TENT4B: variants seen among roughly 807,000 people sequenced by gnomAD.
The protein encoded by TENT4B is PAP associated domain containing 5.
Under a neutral mutation model 75.0 loss-of-function variants are expected in TENT4B, and 10 were observed. The observed-to-expected ratio is 0.13, with a 90% CI of 0.08 to 0.23. The LOEUF (loss-of-function observed/expected upper bound fraction) is 0.23, where lower values mean the gene tolerates loss of function less well. Among genes scored for constraint, TENT4B ranks in the 10% least tolerant of loss-of-function variants. The pLI, the probability that TENT4B is intolerant of heterozygous loss-of-function variation, is 1.00. For missense variants in TENT4B, 579 were observed against 893.8 expected (o/e 0.65, Z 4.49); for synonymous variants, 350 against 357.7 (o/e 0.98, Z 0.24).
Position 50,235,134 on chromosome 16 carries a change from T to G in TENT4B, c.*5806T>G. 8 of 644,068 alleles carry G rather than the reference T, an allele frequency of 1.2e-5. No homozygotes were observed. Among genetic ancestry groups the G allele is most frequent in the Non-Finnish European group, 1.5e-5 (8 of 517,996 alleles). The allele number at this position is 644,068 out of a possible 1,614,324, so 39.9% of individuals were successfully genotyped here. ...CCAGTGATGAAAACTATGAATGAATTGCACACCTGGAAGATTTTTTAAGCT... is the reference window on the plus strand; with the variant it reads ...CCAGTGATGAAAACTATGAATGAATGGCACACCTGGAAGATTTTTTAAGCT... On this transcript the variant is annotated 3_prime_UTR_variant, in exon 12 of 12. Coordinates refer to ENST00000561678, the MANE Select transcript of TENT4B (RefSeq NM_001365324.3).
At chr16:50,195,357 AG>A (rs1273584421) in intron 1 of TENT4B, among the ~76,000 whole-genome samples, 4 of 152,220 alleles carry the variant, frequency 2.6e-5, no homozygotes, top group African/African-American at 4.8e-5. Flanking sequence ...TAGCATTGAA[AG>A]TACGAACTTG....
At chr16:50,213,584 A>G (rs532866033) in intron 2 of TENT4B, among the ~76,000 whole-genome samples, 90 of 152,280 alleles carry the variant, frequency 5.9e-4, no homozygotes, top group Non-Finnish European at 1.1e-3. Context: ...AAAATGAAGG[A>G]TTTGTGATTG....
Position 50,227,940 on chromosome 16 carries a change from G to A in TENT4B, c.1902G>A (p.Gln634=), listed in dbSNP as rs1275187276. The change falls in exon 11 of 12, where the codon CAG becomes CAA. Residue 634 remains glutamine (Q), a synonymous_variant. Coordinates refer to ENST00000561678, the MANE Select transcript of TENT4B (RefSeq NM_001365324.3). ...AAGATGTATCCTTGGAGTCCTCTCA[G>A]GCAGTTGGGAAAATGCAAAGCACCC... ...GSQDVSLESS[Q]AVGKMQSTQT... 3.7e-6 allele frequency: 6 copies of A among 1,613,988 alleles called. No homozygotes were observed. The Admixed American group carries it at 1.0e-4, about 27-fold the overall frequency.
At chr16:50,207,705 G>A (rs568941792) in intron 1 of TENT4B, among the ~76,000 whole-genome samples, 2 of 152,018 alleles carry the variant, frequency 1.3e-5, no homozygotes, top group Non-Finnish European at 2.9e-5. Flanking sequence ...TCCAAACATG[G>A]GAGAAACTGA....
At chr16:50,185,042 AAGAG>A (rs1386787812) in intron 1 of TENT4B, among the ~76,000 whole-genome samples, 2 of 152,126 alleles carry the variant, frequency 1.3e-5, no homozygotes, top group Non-Finnish European at 2.9e-5. Flanking sequence ...GCGAGTGAGA[AAGAG>A]AGAGAGGCGC....
At position 50,207,860 on chromosome 16, in the gene TENT4B, A is replaced by G. The variant is rs1017916307; in HGVS notation, c.639-3463A>G. 2.6e-5 allele frequency among the ~76,000 whole-genome samples: 4 copies of G among 152,338 alleles called. No homozygotes were observed. In the East Asian group the frequency reaches 5.8e-4, roughly 22 times the overall value. ...GTGCACACTCTACAAACGGACTTCC[A>G]GCTCGTCAGGGTATTTTAAGTGCCT... On this transcript the variant is annotated intron_variant, in intron 1 of 11. Transcript: ENST00000561678.
intron 1 of TENT4B, among the ~76,000 whole-genome samples, chr16:50,209,920 A>T (rs943320759): frequency 7.9e-5 from 12 of 152,196 alleles, no homozygotes; most frequent in Non-Finnish European, 1.3e-4. Flanking sequence ...CTTCCCTAAA[A>T]CAATTTTTGG....
intron 1 of TENT4B, among the ~76,000 whole-genome samples, chr16:50,189,286 C>T (rs1211432880): frequency 1.3e-5 from 2 of 152,118 alleles, no homozygotes; most frequent in African/African-American, 4.8e-5. Context: ...TGTCTTCTCA[C>T]TGTTAAATTC....
In TENT4B at chr16:50,231,035, A is replaced by G. The variant is rs1225621668; in HGVS notation, c.*1707A>G. 3 of 982,102 alleles carry G rather than the reference A, an allele frequency of 3.1e-6. No homozygotes were observed. In the African/African-American group the frequency reaches 5.3e-5, roughly 17 times the overall value. 60.8% of individuals were successfully genotyped at this position (982,102 alleles called of 1,614,324 possible). Reference sequence around the variant, plus strand: ...ACTTAGTGTAACTTTTTATAAAGAAAATAATGCTAAAGTAAGACCAAAACT... The same window carrying G: ...ACTTAGTGTAACTTTTTATAAAGAAGATAATGCTAAAGTAAGACCAAAACT... On this transcript the variant is annotated 3_prime_UTR_variant, in exon 12 of 12. Transcript: ENST00000561678.
Position 50,230,284 on chromosome 16 carries a change from C to T in TENT4B, c.*956C>T, listed in dbSNP as rs565487120. 19 of 971,740 alleles carry T rather than the reference C, an allele frequency of 2.0e-5. No homozygotes were observed. The highest frequency in any genetic ancestry group is 2.1e-5 in the Non-Finnish European group (17 of 826,636). 60.2% of individuals were successfully genotyped at this position (971,740 alleles called of 1,614,324 possible). Reference sequence around the variant, plus strand: ...CTTTGCAGTCTTTTTTTTTTCCCCCCATTTCTTCCTAATAGGAAAAAAAAA... The same window carrying T: ...CTTTGCAGTCTTTTTTTTTTCCCCCTATTTCTTCCTAATAGGAAAAAAAAA... On this transcript the variant is annotated 3_prime_UTR_variant, in exon 12 of 12. Transcript: ENST00000561678.
At chr16:50,221,801 T>TGCAATGG (rs1415951731) in intron 5 of TENT4B, among the ~76,000 whole-genome samples, 23 of 152,116 alleles carry the variant, frequency 1.5e-4, no homozygotes, top group African/African-American at 5.1e-4. Flanking sequence ...TCTTGCTCTG[T>TGCAATGG]CACCCAGGCT....
intron 1 of TENT4B, among the ~76,000 whole-genome samples, chr16:50,165,716 T>A (rs2038087636): frequency 6.6e-6 from 1 of 152,242 alleles, no homozygotes; most frequent in East Asian, 1.9e-4. Flanking sequence ...CAAACTTATC[T>A]GTTTCCAAAG....
chr16:50,229,234 A>G lies in TENT4B; in HGVS notation c.2048A>G (p.Asn683Ser). Residue 683 changes from asparagine (N) to serine (S), a missense_variant, in exon 12 of 12, where the codon AAC becomes AGC. Coordinates refer to ENST00000561678, the MANE Select transcript of TENT4B (RefSeq NM_001365324.3). ...TQTSHGSLMT[N>S]KQHQGKSNNQ... ...ACAAGCCATGGTTCCTTGATGACAA[A>G]CAAACAACATCAAGGCAAATCCAAT... The G allele has an allele frequency of 6.2e-7, 1 of 1,614,010 alleles. No individual in the cohort carries two copies. Among genetic ancestry groups the G allele is most frequent in the East Asian group, 2.2e-5 (1 of 44,894 alleles).
In TENT4B at chr16:50,230,500, TA is replaced by T. The variant is rs1047362596; in HGVS notation, c.*1178del. On this transcript the variant is annotated 3_prime_UTR_variant, in exon 12 of 12. Transcript: ENST00000561678. Reference sequence around the variant, plus strand: ...AACAGCTTTAATTAAATCATACTTATAAAAAACTATTTTCTTATATTCCACT... The same window carrying T: ...AACAGCTTTAATTAAATCATACTTATAAAAACTATTTTCTTATATTCCACT... The T allele has an allele frequency of 1.2e-5, 12 of 979,794 alleles. No individual in the cohort carries two copies. The African/African-American group carries it at 2.1e-4, about 17-fold the overall frequency. 60.7% of individuals were successfully genotyped at this position (979,794 alleles called of 1,614,324 possible).
chr16:50,192,880 G>C (rs1440745423), intron 1 of TENT4B, among the ~76,000 whole-genome samples: 1 of 152,184 alleles, frequency 6.6e-6, no homozygotes. Flanking sequence ...CCAGGAGCTT[G>C]AGATCAGCCT....
In TENT4B at chr16:50,153,810, C is replaced by T; in HGVS notation, c.189C>T (p.Gly63=). 4.9e-6 allele frequency: 6 copies of T among 1,220,628 alleles called. No individual in the cohort carries two copies. The highest frequency in any genetic ancestry group is 5.1e-6 in the Non-Finnish European group (5 of 983,368). 75.6% of individuals were successfully genotyped at this position (1,220,628 alleles called of 1,614,324 possible). A position where few individuals can be genotyped will look rare whatever the true frequency, so the allele number is the denominator to read the frequency against. ...SSSSTATGGS[G]SSTGSPGGAA... is the part of the protein sequence containing the mutation. ...GCAGCACGGCCACCGGCGGGAGCGG[C>T]AGCAGCACCGGCAGCCCCGGCGGCG... The change falls in exon 1 of 12, where the codon GGC becomes GGT. Residue 63 remains glycine, a synonymous_variant. Coordinates refer to ENST00000561678, the MANE Select transcript of TENT4B (RefSeq NM_001365324.3).
At chr16:50,167,278 C>G (rs2038118967) in intron 1 of TENT4B, among the ~76,000 whole-genome samples, 1 of 152,110 alleles carries the variant, frequency 6.6e-6, no homozygotes. Context: ...TATGTTGGGC[C>G]ACATTCAAAG....
chr16:50,229,504 A>C lies in TENT4B; in HGVS notation c.*176A>C. 3.2e-6 allele frequency: 4 copies of C among 1,245,174 alleles called. No homozygotes were observed. The highest frequency in any genetic ancestry group is 4.0e-6 in the Non-Finnish European group (4 of 996,534). The allele number at this position is 1,245,174 out of a possible 1,614,324, so 77.1% of individuals were successfully genotyped here. On this transcript the variant is annotated 3_prime_UTR_variant, in exon 12 of 12. Coordinates refer to ENST00000561678, the MANE Select transcript of TENT4B (RefSeq NM_001365324.3). ...CATGAAGACTGACAACTGCAAAAAA[A>C]ACAAAACAAAACAAAAAAAAAAGCA...
At chr16:50,216,862 T>C (rs1016040302) in intron 4 of TENT4B, among the ~76,000 whole-genome samples, 1 of 152,188 alleles carries the variant, frequency 6.6e-6, no homozygotes, top group African/African-American at 2.4e-5. Context: ...CTCCCTGTGT[T>C]GCCCAAGTTA....
Sources: gnomAD v4.1 joint callset for allele counts (sites outside exome capture counted in the v4.1 genomes callset) on GRCh38, gnomAD v4.1.1 for gene constraint, MANE v1.5 for transcripts, NCBI Gene and HGNC (gene_info 2026-07-23, HGNC 2026-07-21) for gene names.